Variants in FYCO1 observed in about 807,000 individuals in gnomAD.
The protein encoded by FYCO1 is FYVE and coiled-coil domain-containing protein 1.
Under a neutral mutation model 165.1 loss-of-function variants are expected in FYCO1, and 122 were observed. That is an observed-to-expected ratio of 0.74 (90% CI 0.64 to 0.86). The LOEUF (loss-of-function observed/expected upper bound fraction) is 0.86, where lower values mean the gene tolerates loss of function less well. FYCO1 is among the 40% of genes least tolerant of loss of function. FYCO1 has a pLI of 0.00. For missense variants in FYCO1, 1,702 were observed against 1,810.3 expected (o/e 0.94, Z 1.09); for synonymous variants, 648 against 742.5 (o/e 0.87, Z 2.07).
At chr3:45,955,121 G>A in intron 14 of FYCO1, 128 bp downstream of exon 14, 6 of 1,116,976 alleles carry the variant, frequency 5.4e-6, no homozygotes, top group Non-Finnish European at 8.1e-6. Flanking sequence ...GCCATCGCAA[G>A]CACTGTTCCC....
chr3:45,968,616 C>G lies in FYCO1; in HGVS notation c.718G>C (p.Asp240His). The change falls in exon 8 of 18, where the codon GAC becomes CAC. Residue 240 changes from aspartate (D) to histidine (H), a missense_variant. Asp to His is a moderately conservative substitution (Grantham distance 81). Transcript: ENST00000296137. The part of the protein sequence containing the change: ...EGFDEMRLEL[D>H]QLEVREKQLR... ...TGCTTCTCCCGCACCTCCAACTGGT[C>G]CAGCTCTAGTCGCATCTCATCAAAG... 4.3e-6 allele frequency: 7 copies of G among 1,614,144 alleles called. No individual in the cohort carries two copies. The highest frequency in any genetic ancestry group is 5.1e-6 in the Non-Finnish European group (6 of 1,180,048).
rs752233903 is a variant in FYCO1 at position 45,936,312 on chromosome 3, G to GA, written c.4040+135dup. On this transcript the variant is annotated intron_variant, in intron 15 of 17. Transcript: ENST00000296137. ...ATCTTAATGTATATAAGCTATGCCT[G>GA]AAAAAAAAGAATAAACGAAGCCCCA... The GA allele has an allele frequency of 6.4e-4, 440 of 682,442 alleles. 1 individual carries two copies. The highest frequency in any genetic ancestry group is 1.0e-3 in the Non-Finnish European group (391 of 375,898). The allele number at this position is 682,442 out of a possible 1,614,324, so 42.3% of individuals were successfully genotyped here.
chr3:45,989,101 G>A (rs564303600), intron 1 of FYCO1, among the ~76,000 whole-genome samples: 21 of 152,282 alleles, frequency 1.4e-4, no homozygotes, highest in African/African-American at 4.8e-4. Context: ...GGTTGGAGGC[G>A]TGGAAGTCAA....
At chr3:45,928,342 C>T (rs997240431) in intron 16 of FYCO1, among the ~76,000 whole-genome samples, 2 of 152,200 alleles carry the variant, frequency 1.3e-5, no homozygotes, top group South Asian at 4.1e-4. Flanking sequence ...GACCTCTGGC[C>T]AAAGACGGAT....
intron 14 of FYCO1, chr3:45,946,096 A>G (rs1480226188): frequency 1.5e-5 from 3 of 194,338 alleles, no homozygotes; most frequent in African/African-American, 2.3e-5. Flanking sequence ...AGTGGGCTCA[A>G]CCATCCATCA....
At position 45,936,802 on chromosome 3, in the gene FYCO1, C is replaced by A. The variant is rs147523930; in HGVS notation, c.3945-259G>T. Among the ~76,000 whole-genome samples the A allele has an allele frequency of 6.4e-3, 975 of 152,236 alleles. 6 individuals carry two copies. The highest frequency in any genetic ancestry group is 0.011 in the Non-Finnish European group (738 of 68,008). On this transcript the variant is annotated intron_variant, in intron 14 of 17. Coordinates refer to ENST00000296137, the MANE Select transcript of FYCO1 (RefSeq NM_024513.4). ...TGGAGCAGCTGTAGGGAAGATACCT[C>A]CTGCTATAGGAAGGGTGAGCAGAAA...
intron 15 of FYCO1, among the ~76,000 whole-genome samples, chr3:45,936,028 T>C: frequency 6.6e-6 from 1 of 152,240 alleles, no homozygotes. Context: ...ATTATATGCA[T>C]ATATGTGTAT....
At chr3:45,947,482 T>TGGAGTG (rs755410027) in intron 14 of FYCO1, 1 of 1,613,842 alleles carries the variant, frequency 6.2e-7, no homozygotes, top group African/African-American at 1.3e-5. Flanking sequence ...TCCCACAATG[T>TGGAGTG]GGAGGCCACC....
At chr3:45,936,767 G>A (rs185605979) in intron 14 of FYCO1, among the ~76,000 whole-genome samples, 246 of 152,266 alleles carry the variant, frequency 1.6e-3, no homozygotes, top group Non-Finnish European at 3.2e-3. Context: ...TAGGGCTACA[G>A]CAGTTTCCCT....
At chr3:45,961,067 C>T (rs376803677) in intron 11 of FYCO1, among the ~76,000 whole-genome samples, 12 of 151,992 alleles carry the variant, frequency 7.9e-5, no homozygotes, top group East Asian at 1.9e-4. Context: ...GGGATGCAAT[C>T]GGCAAAAGTA....
At chr3:45,935,182 C>A (rs1703828077) in intron 15 of FYCO1, among the ~76,000 whole-genome samples, 2 of 152,188 alleles carry the variant, frequency 1.3e-5, no homozygotes, top group South Asian at 4.1e-4. Context: ...TGGTCTCTGC[C>A]CTCTCTGCCA....
At chr3:45,929,355 G>A (rs1575327502) in intron 16 of FYCO1, among the ~76,000 whole-genome samples, 1 of 152,352 alleles carries the variant, frequency 6.6e-6, no homozygotes, top group East Asian at 1.9e-4. Context: ...AGGCTGCTGA[G>A]GACTCGGTGG....
intron 4 of FYCO1, among the ~76,000 whole-genome samples, chr3:45,976,879 C>T (rs1039601999): frequency 6.6e-6 from 1 of 152,164 alleles, no homozygotes; most frequent in Non-Finnish European, 1.5e-5. Flanking sequence ...ACTACAGAAG[C>T]TGTAAGACAT....
Position 45,969,862 on chromosome 3 carries a change from G to T in FYCO1, c.540-97C>A, listed in dbSNP as rs1706320056. 5.6e-6 allele frequency: 5 copies of T among 900,528 alleles called. No homozygotes were observed. The South Asian group carries it at 7.5e-5, about 13-fold the overall frequency. 55.8% of individuals were successfully genotyped at this position (900,528 alleles called of 1,614,324 possible). On this transcript the variant is annotated intron_variant, in intron 6 of 17. Transcript: ENST00000296137. Reference sequence around the variant, plus strand: ...CTAGGCAACCAGGTGGTGGTAGGGGGCTGCCTTCCCAGGTAGAATGTAAGA... The same window carrying T: ...CTAGGCAACCAGGTGGTGGTAGGGGTCTGCCTTCCCAGGTAGAATGTAAGA...
intron 11 of FYCO1, among the ~76,000 whole-genome samples, chr3:45,961,726 A>G (rs1705706306): frequency 6.6e-6 from 1 of 152,208 alleles, no homozygotes. Flanking sequence ...CTACAGATGA[A>G]TCAAGACTGG....
chr3:45,951,540 C>T (rs554390286), intron 14 of FYCO1, among the ~76,000 whole-genome samples: 3 of 152,308 alleles, frequency 2.0e-5, no homozygotes, highest in African/African-American at 7.2e-5. Flanking sequence ...CCCTGCCAGC[C>T]CTTACTCCAC....
At chr3:45,950,755 G>C (rs1704961843) in intron 14 of FYCO1, among the ~76,000 whole-genome samples, 1 of 152,184 alleles carries the variant, frequency 6.6e-6, no homozygotes, top group Non-Finnish European at 1.5e-5. Flanking sequence ...TCAGTAAACA[G>C]CCTTTCTTTG....
In FYCO1 at chr3:45,957,233, C is replaced by T. The variant is rs867223749; in HGVS notation, c.3799+1175G>A. Among the ~76,000 whole-genome samples, 11 of 152,322 alleles carry T rather than the reference C, an allele frequency of 7.2e-5. No individual in the cohort carries two copies. The South Asian group carries it at 8.3e-4, about 11-fold the overall frequency. On this transcript the variant is annotated intron_variant, in intron 13 of 17. Coordinates refer to ENST00000296137, the MANE Select transcript of FYCO1 (RefSeq NM_024513.4). ...GATGAATCTCTATTCATACCTTGCA[C>T]CATACACAAAGATAACTGAAAATGC...
chr3:45,965,996 G>A lies in FYCO1; in HGVS notation c.3057+281C>T, dbSNP rs13078739. ...CCTGCTCTTTCAATGTTGGCTACTAGTTTTACAAACTTCTGTGTGGGCTAA... is the reference window on the plus strand; with the variant it reads ...CCTGCTCTTTCAATGTTGGCTACTAATTTTACAAACTTCTGTGTGGGCTAA... On this transcript the variant is annotated intron_variant, in intron 8 of 17. Transcript: ENST00000296137. Among the ~76,000 whole-genome samples the A allele has an allele frequency of 0.093, 14,241 of 152,314 alleles. 1,028 individuals carry two copies. Among genetic ancestry groups the A allele is most frequent in the South Asian group, 0.34 (1,650 of 4,832 alleles).
Sources: allele counts gnomAD v4.1 joint callset (sites outside exome capture counted in the v4.1 genomes callset), GRCh38; gene constraint gnomAD v4.1.1; transcripts MANE v1.5; gene names NCBI Gene and HGNC (gene_info 2026-07-23, HGNC 2026-07-21).